The following MYL1 variants were observed in gnomAD, a reference collection of about 807,000 sequenced individuals.
MYL1 encodes myosin light chain 1, also known as myosin light chain 1/3, skeletal muscle isoform.
MYL1 carries 16 observed loss-of-function variants against 21.8 expected under a neutral mutation model. That is an observed-to-expected ratio of 0.74 (90% CI 0.50 to 1.12). MYL1 has a LOEUF of 1.12. MYL1 is among the 50% of genes most tolerant of loss of function. MYL1 has a pLI of 0.00. For missense variants in MYL1, 246 were observed against 241.0 expected, an observed-to-expected ratio of 1.02 and a Z score of -0.14; for synonymous variants, 99 against 85.2, an observed-to-expected ratio of 1.16 and a Z score of -0.89.
intron 1 of MYL1, among the ~76,000 whole-genome samples, chr2:210,312,852 A>G (rs1200412054): frequency 6.6e-6 from 1 of 151,898 alleles, no homozygotes; most frequent in African/African-American, 2.4e-5. Flanking sequence ...ATTCTCATAG[A>G]GACACTCCAG....
intron 1 of MYL1, among the ~76,000 whole-genome samples, chr2:210,309,387 T>G (rs900426215): frequency 9.9e-5 from 15 of 151,900 alleles, no homozygotes; most frequent in Admixed American, 2.0e-4. Flanking sequence ...AAAGGAAGAG[T>G]ATAAAGTTGA....
At chr2:210,295,827 A>C (rs1178848449) in intron 3 of MYL1, among the ~76,000 whole-genome samples, 1 of 130,116 alleles carries the variant, frequency 7.7e-6, no homozygotes, top group Admixed American at 7.4e-5. Context: ...CCTGCCTCAG[A>C]AAAAAAAAAA....
In MYL1 at chr2:210,313,520, A is replaced by G. The variant is rs562971465; in HGVS notation, c.132+1391T>C. Reference sequence around the variant, plus strand: ...TGTATGCATGCAGTCCTCAAGTTAGAAAAACATTTATCAGAAGACCTGACA... The same window carrying G: ...TGTATGCATGCAGTCCTCAAGTTAGGAAAACATTTATCAGAAGACCTGACA... On this transcript the variant is annotated intron_variant, in intron 1 of 6. Coordinates refer to ENST00000352451, the MANE Select transcript of MYL1 (RefSeq NM_079420.3). Among the ~76,000 whole-genome samples, 27 of 152,128 alleles carry G rather than the reference A, an allele frequency of 1.8e-4. No individual in the cohort carries two copies. In the South Asian group the frequency reaches 5.4e-3, roughly 30 times the overall value.
chr2:210,311,406 A>T (rs1275161954), intron 1 of MYL1, among the ~76,000 whole-genome samples: 1 of 152,080 alleles, frequency 6.6e-6, no homozygotes, highest in South Asian at 2.1e-4. Context: ...CTTCCCAGGC[A>T]TGTGGTCAAT....
intron 1 of MYL1, chr2:210,302,929 A>T: frequency 1.3e-6 from 1 of 760,778 alleles, no homozygotes; most frequent in Non-Finnish European, 2.1e-6. Flanking sequence ...TTGCCTTAGG[A>T]TACTTTTGAA....
intron 1 of MYL1, among the ~76,000 whole-genome samples, chr2:210,314,104 G>A (rs1369105375): frequency 6.6e-6 from 1 of 152,108 alleles, no homozygotes. Context: ...TAATCTTTTG[G>A]CAATTGAGAA....
At position 210,312,575 on chromosome 2, in the gene MYL1, A is replaced by G. The variant is rs939578748; in HGVS notation, c.132+2336T>C. ...TTGTATCACTTTCTTTGGCCATGCT[A>G]GAATACATCTAAATATGCACTGATT... is the stretch of plus-strand genomic sequence containing the variant. On this transcript the variant is annotated intron_variant, in intron 1 of 6. Transcript: ENST00000352451. 3.3e-5 allele frequency among the ~76,000 whole-genome samples: 5 copies of G among 152,070 alleles called. No individual in the cohort carries two copies. The East Asian group carries it at 5.8e-4, about 18-fold the overall frequency.
intron 5 of MYL1, among the ~76,000 whole-genome samples, chr2:210,291,928 C>G (rs1392159904): frequency 1.3e-5 from 2 of 152,156 alleles, no homozygotes; most frequent in African/African-American, 4.8e-5. Flanking sequence ...ACACCATAAC[C>G]TAGGGGTTTT....
chr2:210,310,399 G>A (rs936760626), intron 1 of MYL1, among the ~76,000 whole-genome samples: 7 of 151,948 alleles, frequency 4.6e-5, no homozygotes, highest in African/African-American at 1.7e-4. Flanking sequence ...AAATAATGCT[G>A]TTTATTTGTA....
intron 3 of MYL1, among the ~76,000 whole-genome samples, chr2:210,295,772 C>G (rs1197864717): frequency 6.7e-6 from 1 of 148,494 alleles, no homozygotes; most frequent in Non-Finnish European, 1.5e-5. Flanking sequence ...TTGCAGTGGG[C>G]TATGATCATG....
chr2:210,303,465 A>G (rs1690294434), intron 1 of MYL1: 1 of 1,427,314 alleles, frequency 7.0e-7, no homozygotes, highest in Non-Finnish European at 9.7e-7. Context: ...ATTTTTGCCT[A>G]TCTTTCTTCT....
In MYL1 at chr2:210,301,640, G is replaced by A. The variant is rs535962592; in HGVS notation, c.160+848C>T. 3.3e-5 allele frequency among the ~76,000 whole-genome samples: 5 copies of A among 151,978 alleles called. No individual in the cohort carries two copies. In the South Asian group the frequency reaches 1.0e-3, roughly 32 times the overall value. ...TTTGTGTCTCAGTTCACTTAGATAT[G>A]TGACTCTTTCACTCCATAAAACATT... On this transcript the variant is annotated intron_variant, in intron 2 of 6. Transcript: ENST00000352451.
chr2:210,297,325 T>C (rs1336096983), intron 3 of MYL1, among the ~76,000 whole-genome samples: 1 of 152,032 alleles, frequency 6.6e-6, no homozygotes, highest in Non-Finnish European at 1.5e-5. Flanking sequence ...TTCCACAGCA[T>C]TTATTTTTTG....
intron 5 of MYL1, among the ~76,000 whole-genome samples, chr2:210,291,671 CAA>C (rs1232854228): frequency 6.6e-6 from 1 of 152,112 alleles, no homozygotes; most frequent in African/African-American, 2.4e-5. Flanking sequence ...TAACTGTACA[CAA>C]GAGTGTCCCT....
In MYL1 at chr2:210,290,567, A is replaced by C. The variant is rs545904857; in HGVS notation, c.*15-100T>G. Reference sequence around the variant, plus strand: ...TGAAGTGTAAGACAATAAAAAGCGCAAAGTGAACCAGCACTTACAAGATGA... The same window carrying C: ...TGAAGTGTAAGACAATAAAAAGCGCCAAGTGAACCAGCACTTACAAGATGA... On this transcript the variant is annotated intron_variant, in intron 6 of 6. Transcript: ENST00000352451. 3 of 152,470 alleles carry C rather than the reference A, an allele frequency of 2.0e-5. No individual in the cohort carries two copies. In the South Asian group the frequency reaches 6.2e-4, roughly 32 times the overall value. 9.4% of individuals were successfully genotyped at this position (152,470 alleles called of 1,614,324 possible). A position where few individuals can be genotyped will look rare whatever the true frequency, so the allele number is the denominator to read the frequency against.
chr2:210,298,531 T>C lies in MYL1; in HGVS notation c.193A>G (p.Thr65Ala). 6.2e-7 allele frequency: 1 copy of C among 1,614,088 alleles called. No homozygotes were observed. The highest frequency in any genetic ancestry group is 8.5e-7 in the Non-Finnish European group (1 of 1,179,994). ...FKEAFLLFDR[T>A]GDSKITLSQV... is the part of the protein sequence containing the mutation. ...CTTAAGGTGATCTTGGAATCACCTG[T>C]TCTGTCAAACAGGAGAAATGCCTCC... Residue 65 changes from threonine (T) to alanine (A), a missense_variant, in exon 3 of 7, where the codon ACA becomes GCA. Physicochemically the swap from Thr to Ala is moderately conservative, Grantham distance 58. Coordinates refer to ENST00000352451, the MANE Select transcript of MYL1 (RefSeq NM_079420.3).
rs199992942 is a variant in MYL1, at chr2:210,308,805, C to CTAT, written c.132+6105_132+6106insATA. On this transcript the variant is annotated intron_variant, in intron 1 of 6. Transcript: ENST00000352451. Reference sequence around the variant, plus strand: ...TAAAGTTTCTTGAGAGCTGGCCATACTTTTGTCTCCTTTGTGCATTTGTTT... The same window carrying CTAT: ...TAAAGTTTCTTGAGAGCTGGCCATACTATTTTTGTCTCCTTTGTGCATTTGTTT... 9.4e-3 allele frequency among the ~76,000 whole-genome samples: 1,433 copies of CTAT among 152,068 alleles called. 11 individuals are homozygous for CTAT. Among genetic ancestry groups the CTAT allele is most frequent in the South Asian group, 0.029 (138 of 4,814 alleles).
chr2:210,301,642 G>A (rs768468237), intron 2 of MYL1, among the ~76,000 whole-genome samples: 5 of 151,848 alleles, frequency 3.3e-5, no homozygotes, highest in Non-Finnish European at 7.4e-5. Flanking sequence ...TTAGATATGT[G>A]ACTCTTTCAC....
intron 1 of MYL1, among the ~76,000 whole-genome samples, chr2:210,303,386 A>C (rs190014495): frequency 2.6e-5 from 4 of 152,326 alleles, no homozygotes; most frequent in Admixed American, 6.5e-5. Flanking sequence ...TCCTATCTTT[A>C]ATGGATCTCA....
Sources: allele counts gnomAD v4.1 joint callset (sites outside exome capture counted in the v4.1 genomes callset), GRCh38; gene constraint gnomAD v4.1.1; transcripts MANE v1.5; gene names NCBI Gene and HGNC (gene_info 2026-07-23, HGNC 2026-07-21).